The following HTR3B variants were observed in gnomAD, a reference collection of about 807,000 sequenced individuals.
HTR3B encodes 5-hydroxytryptamine (serotonin) receptor 3B, ionotropic.
A neutral mutation model predicts 42.8 loss-of-function variants in HTR3B; 44 were observed. The observed-to-expected ratio is 1.03, with a 90% CI of 0.81 to 1.32. The LOEUF is 1.32. Ranked by LOEUF, HTR3B falls within the 40% of genes most tolerant of loss-of-function variation. The pLI is 0.00. For synonymous variants in HTR3B, 203 were observed against 209.0 expected, an observed-to-expected ratio of 0.97 and a Z score of 0.25; for missense variants, 527 against 536.5, an observed-to-expected ratio of 0.98 and a Z score of 0.17.
intron 2 of HTR3B, among the ~76,000 whole-genome samples, chr11:113,926,729 A>G (rs982936220): frequency 6.6e-6 from 1 of 152,042 alleles, no homozygotes; most frequent in African/African-American, 2.4e-5. Context: ...GGGTTTCACC[A>G]TGTTGGCCAG....
intron 2 of HTR3B, among the ~76,000 whole-genome samples, chr11:113,925,417 G>GTTTTTTTTTTT (rs201996305): frequency 2.0e-5 from 2 of 100,720 alleles, no homozygotes; most frequent in Non-Finnish European, 4.2e-5. Flanking sequence ...TTACGAATTT[G>GTTTTTTTTTTT]TTTTTTTTTT....
chr11:113,934,793 G>T (rs1451435283), intron 6 of HTR3B, among the ~76,000 whole-genome samples: 2 of 132,846 alleles, frequency 1.5e-5, no homozygotes, highest in Non-Finnish European at 3.4e-5. Context: ...GAGTTTCTTG[G>T]CTAGGAGTAA....
rs969686467 is a variant in HTR3B, at chr11:113,947,436, A to G, written c.*1299A>G. ...TGTCCCTGAACTAGTCAGCTAGGAAATACTACACACTAAGTTGCTTTAAGA... is the reference window on the plus strand; with the variant it reads ...TGTCCCTGAACTAGTCAGCTAGGAAGTACTACACACTAAGTTGCTTTAAGA... On this transcript the variant is annotated 3_prime_UTR_variant, in exon 9 of 9. Coordinates refer to ENST00000260191, the MANE Select transcript of HTR3B (RefSeq NM_006028.5). 6.6e-6 allele frequency among the ~76,000 whole-genome samples: 1 copy of G among 152,240 alleles called. No individual in the cohort carries two copies.
intron 1 of HTR3B, among the ~76,000 whole-genome samples, chr11:113,907,837 C>G (rs763050433): frequency 3.3e-5 from 5 of 152,150 alleles, no homozygotes; most frequent in Non-Finnish European, 7.3e-5. Flanking sequence ...GCGAGGTAAA[C>G]GTGAAGCTGC....
At chr11:113,907,342 C>T (rs1002969839) in intron 1 of HTR3B, among the ~76,000 whole-genome samples, 2 of 152,290 alleles carry the variant, frequency 1.3e-5, no homozygotes, top group East Asian at 3.9e-4. Flanking sequence ...GTCACATTAG[C>T]TTTCAAGGGG....
At position 113,931,731 on chromosome 11, in the gene HTR3B, A is replaced by C. The variant is rs750110711; in HGVS notation, c.259-27A>C. The C allele has an allele frequency of 5.3e-6, 7 of 1,311,112 alleles. No individual in the cohort carries two copies. In the South Asian group the frequency reaches 8.3e-5, roughly 15 times the overall value. 81.2% of individuals were successfully genotyped at this position (1,311,112 alleles called of 1,614,324 possible). A position where few individuals can be genotyped will look rare whatever the true frequency, so the allele number is the denominator to read the frequency against. On this transcript the variant is annotated intron_variant, in intron 3 of 8. Coordinates refer to ENST00000260191, the MANE Select transcript of HTR3B (RefSeq NM_006028.5). ...AAGTAGATATTGCCCCATTTTGATA[A>C]GTTTTCTTTTTGGCTACTACTAACA... is the stretch of plus-strand genomic sequence containing the variant.
Position 113,932,467 on chromosome 11 carries a change from T to C in HTR3B, c.538+9T>C. ...GAGCATTCTGCATACAGGTAAACCA[T>C]GAGAGATACCCATTAATGCTAGGTT... On this transcript the variant is annotated intron_variant, in intron 5 of 8. Transcript: ENST00000260191. 2 of 1,607,674 alleles carry C rather than the reference T, an allele frequency of 1.2e-6. No individual in the cohort carries two copies. The highest frequency in any genetic ancestry group is 1.7e-6 in the Non-Finnish European group (2 of 1,174,744).
In HTR3B at chr11:113,934,342, G is replaced by A. The variant is rs1190001767; in HGVS notation, c.696+1249G>A. 1.2e-4 allele frequency among the ~76,000 whole-genome samples: 18 copies of A among 150,330 alleles called. No individual in the cohort carries two copies. In the Admixed American group the frequency reaches 1.2e-3, roughly 10 times the overall value. ...CTGCGCTCCAGCCTGGGTGACACAGGGAGACTCTGTCAAAAGAAAAGAAAG... is the reference window on the plus strand; with the variant it reads ...CTGCGCTCCAGCCTGGGTGACACAGAGAGACTCTGTCAAAAGAAAAGAAAG... On this transcript the variant is annotated intron_variant, in intron 6 of 8. Transcript: ENST00000260191.
At chr11:113,923,275 A>C (rs1254413310) in intron 2 of HTR3B, among the ~76,000 whole-genome samples, 1 of 152,222 alleles carries the variant, frequency 6.6e-6, no homozygotes, top group African/African-American at 2.4e-5. Context: ...ACTTTTGTTT[A>C]GAATGAAGAG....
At chr11:113,905,057 A>G in intron 1 of HTR3B, 72 bp downstream of exon 1, 1 of 1,070,004 alleles carries the variant, frequency 9.3e-7, no homozygotes, top group Non-Finnish European at 1.4e-6. Flanking sequence ...ATTTGTATAC[A>G]CCGTACTGTA....
chr11:113,943,195 A>G lies in HTR3B; in HGVS notation c.907+3A>G. The G allele has an allele frequency of 6.2e-7, 1 of 1,609,930 alleles. No individual in the cohort carries two copies. The highest frequency in any genetic ancestry group is 8.5e-7 in the Non-Finnish European group (1 of 1,177,606). On this transcript the variant is annotated splice_donor_region_variant and intron_variant, in intron 7 of 8. Transcript: ENST00000260191. ...TGTAGGGAGCACCCCTCTGATTGGTAAGCAGCCTCGGGGTCACTGGACACT... is the reference window on the plus strand; with the variant it reads ...TGTAGGGAGCACCCCTCTGATTGGTGAGCAGCCTCGGGGTCACTGGACACT...
chr11:113,904,860 C>A lies in HTR3B; in HGVS notation c.-74C>A. 8.6e-7 allele frequency: 1 copy of A among 1,158,488 alleles called. No homozygotes were observed. Among genetic ancestry groups the A allele is most frequent in the Non-Finnish European group, 1.3e-6 (1 of 765,048 alleles). The allele number at this position is 1,158,488 out of a possible 1,614,324, so 71.8% of individuals were successfully genotyped here. A position where few individuals can be genotyped will look rare whatever the true frequency, so the allele number is the denominator to read the frequency against. ...GAGGAGAACAGAGTGGAGAGGAACC[C>A]TGTTAGGAGAAATTGAGCGGCATTC... On this transcript the variant is annotated 5_prime_UTR_variant, in exon 1 of 9. In the 5' UTR this introduces an upstream ATG that the reference lacks. Coordinates refer to ENST00000260191, the MANE Select transcript of HTR3B (RefSeq NM_006028.5).
intron 4 of HTR3B, 27 bp from the exon 5 acceptor site, chr11:113,932,262 C>T: frequency 6.3e-7 from 1 of 1,586,262 alleles, no homozygotes; most frequent in Non-Finnish European, 8.6e-7. Context: ...CTCTCTGTGA[C>T]AACAAGTTCT....
intron 6 of HTR3B, among the ~76,000 whole-genome samples, chr11:113,935,962 C>A (rs766086741): frequency 3.9e-5 from 6 of 152,060 alleles, no homozygotes; most frequent in Non-Finnish European, 5.9e-5. Flanking sequence ...TCATAGCTGC[C>A]GACTCTGGGA....
intron 2 of HTR3B, among the ~76,000 whole-genome samples, chr11:113,914,881 G>T (rs567224534): frequency 6.6e-6 from 1 of 152,250 alleles, no homozygotes; most frequent in Admixed American, 6.5e-5. Flanking sequence ...GGGGTCTGGA[G>T]CTTTCTTTGT....
Position 113,945,919 on chromosome 11 carries a change from GAGC to G in HTR3B, c.1110_1112del (p.Glu370_His371delinsAsp). On this transcript the variant is annotated inframe_deletion, in exon 9 of 9. Coordinates refer to ENST00000260191, the MANE Select transcript of HTR3B (RefSeq NM_006028.5). ...TCACACAGAGTCCTCGCTGTATGGA[GAGC>G]ACCTGGCCCAGCCAGGAACCCTGAA... 1 of 1,614,072 alleles carries G rather than the reference GAGC, an allele frequency of 6.2e-7. No homozygotes were observed. Among genetic ancestry groups the G allele is most frequent in the Non-Finnish European group, 8.5e-7 (1 of 1,179,958 alleles).
At chr11:113,931,565 T>A in intron 3 of HTR3B, 137 bp downstream of exon 3, 2 of 694,928 alleles carry the variant, frequency 2.9e-6, no homozygotes, top group Non-Finnish European at 4.8e-6. Flanking sequence ...GTATTATAAT[T>A]CATTTAAGAT....
chr11:113,909,453 G>A lies in HTR3B; in HGVS notation c.211G>A (p.Val71Met), dbSNP rs1314767119. ...CCTGTTCGTCCATGCTATATTGGAT[G>A]TGGTAAGGACCATCTTGCCCCTTCC... is the stretch of plus-strand genomic sequence containing the variant. ...LDLFVHAILDVDAENQILKTS... is the reference protein window; with the variant it reads ...LDLFVHAILDMDAENQILKTS... The change falls in exon 2 of 9, where the codon GTG (valine) becomes ATG (methionine). Residue 71 changes from valine to methionine, a missense_variant and splice_region_variant. By Grantham distance (21) the Val-to-Met change is conservative. Transcript: ENST00000260191. 5 of 1,613,698 alleles carry A rather than the reference G, an allele frequency of 3.1e-6. No individual in the cohort carries two copies. Among genetic ancestry groups the A allele is most frequent in the Non-Finnish European group, 3.4e-6 (4 of 1,179,842 alleles).
chr11:113,938,363 T>G (rs1950107838), intron 6 of HTR3B, among the ~76,000 whole-genome samples: 1 of 152,086 alleles, frequency 6.6e-6, no homozygotes, highest in Admixed American at 6.6e-5. Flanking sequence ...CAAAATATCA[T>G]CTAAATATAA....
Sources: gnomAD v4.1 joint callset for allele counts (sites outside exome capture counted in the v4.1 genomes callset) on GRCh38, gnomAD v4.1.1 for gene constraint, MANE v1.5 for transcripts, NCBI Gene and HGNC (gene_info 2026-07-23, HGNC 2026-07-21) for gene names.